HERC1: variants seen among roughly 807,000 people sequenced by gnomAD.
The protein encoded by HERC1 is probable E3 ubiquitin-protein ligase HERC1.
Under a neutral mutation model 554.3 loss-of-function variants are expected in HERC1, and 160 were observed. The observed-to-expected ratio is 0.29, with a 90% CI of 0.25 to 0.33. The LOEUF is 0.33. Among genes scored for constraint, HERC1 ranks in the 10% least tolerant of loss-of-function variants. The probability of loss-of-function intolerance (pLI) is 1.00; values close to 1 mark genes in which losing one functional copy is unlikely to be tolerated. For synonymous variants in HERC1, 2,175 were observed against 2,131.7 expected (o/e 1.02, Z -0.56); for missense variants, 4,919 against 5,918.5 (o/e 0.83, Z 5.54).
intron 1 of HERC1, among the ~76,000 whole-genome samples, chr15:63,793,728 G>A (rs1397302451): frequency 6.6e-6 from 1 of 151,968 alleles, no homozygotes; most frequent in Non-Finnish European, 1.5e-5. Flanking sequence ...ACCCTCTCTT[G>A]GGGTCTGGAT....
intron 1 of HERC1, among the ~76,000 whole-genome samples, chr15:63,821,825 C>G (rs983224821): frequency 2.6e-5 from 4 of 151,632 alleles, no homozygotes; most frequent in Admixed American, 2.6e-4. Context: ...TTACCACATG[C>G]TAGGGACTTT....
At chr15:63,827,284 T>C (rs1352149658) in intron 1 of HERC1, among the ~76,000 whole-genome samples, 2 of 152,142 alleles carry the variant, frequency 1.3e-5, no homozygotes, top group African/African-American at 4.8e-5. Flanking sequence ...TAGCCAGGTA[T>C]AGCGGTGCAC....
At chr15:63,627,521 A>T (rs1307578135) in intron 70 of HERC1, among the ~76,000 whole-genome samples, 1 of 152,146 alleles carries the variant, frequency 6.6e-6, no homozygotes, top group Non-Finnish European at 1.5e-5. Flanking sequence ...TAAAAATATT[A>T]AAATGAGTTG....
chr15:63,652,130 C>T (rs2069720962), intron 52 of HERC1, among the ~76,000 whole-genome samples: 2 of 152,178 alleles, frequency 1.3e-5, no homozygotes, highest in Non-Finnish European at 2.9e-5. Context: ...CTAAACAACT[C>T]TTAAAGACCT....
chr15:63,776,959 G>A (rs982343451), intron 1 of HERC1, among the ~76,000 whole-genome samples: 2 of 152,140 alleles, frequency 1.3e-5, no homozygotes, highest in Non-Finnish European at 2.9e-5. Flanking sequence ...ATTTTGAAAT[G>A]CATCAGAAAT....
chr15:63,748,058 T>C (rs1471124211), intron 10 of HERC1, among the ~76,000 whole-genome samples, 200 bp from the exon 11 acceptor site: 1 of 152,096 alleles, frequency 6.6e-6, no homozygotes, highest in East Asian at 1.9e-4. Context: ...AAAACCCATC[T>C]CTACTAAAAA....
intron 1 of HERC1, among the ~76,000 whole-genome samples, chr15:63,822,343 T>C (rs371152480): frequency 2.0e-5 from 3 of 152,178 alleles, no homozygotes; most frequent in East Asian, 1.9e-4. Context: ...CCCAGCACTT[T>C]GGGAAGCCGA....
rs1337606135 is a variant in HERC1 at position 63,612,911 on chromosome 15, G to A, written c.14095-355C>T. Among the ~76,000 whole-genome samples, 1 of 152,174 alleles carries A rather than the reference G, an allele frequency of 6.6e-6. No individual in the cohort carries two copies. The highest frequency in any genetic ancestry group is 6.5e-5 in the Admixed American group (1 of 15,272). The stretch of plus-strand genomic sequence containing the variant: ...ATGTGCCCATGTGCTGTCAAACTAT[G>A]CATGTGTGGACACTTCATCTCATAA... On this transcript the variant is annotated intron_variant, in intron 76 of 77. Transcript: ENST00000443617. This position sits in a 1 kb window ranked among gnomAD's most constrained non-coding sequence, Gnocchi z 5.0.
At chr15:63,788,597 T>A (rs1368000458) in intron 1 of HERC1, among the ~76,000 whole-genome samples, 2 of 152,148 alleles carry the variant, frequency 1.3e-5, no homozygotes, top group African/African-American at 4.8e-5. Flanking sequence ...GATTTCATAA[T>A]CTATAATTAA....
rs1439576880 is a variant in HERC1, at chr15:63,698,860, C to G, written c.4773G>C (p.Leu1591Phe). 7 of 1,613,962 alleles carry G rather than the reference C, an allele frequency of 4.3e-6. No homozygotes were observed. The highest frequency in any genetic ancestry group is 1.1e-5 in the South Asian group (1 of 91,088). ...TCACAAAGCTTACAACATTTTCAAT[C>G]AAAGTGTGAACTCCCAAAGACTTGG... The part of the protein sequence containing the change: ...DLTKSLGVHT[L>F]IENVVSFVSG... The change falls in exon 26 of 78, where the codon TTG (leucine) becomes TTC (phenylalanine). Residue 1591 changes from leucine (L) to phenylalanine (F), a missense_variant. Leu to Phe is a conservative substitution (Grantham distance 22). Around this residue, in one of 11 missense-constraint regions of HERC1, gnomAD observed 1,121 missense variants for 1,244.0 expected, o/e 0.90. Transcript: ENST00000443617.
At chr15:63,799,983 A>G (rs567505562) in intron 1 of HERC1, among the ~76,000 whole-genome samples, 1 of 152,162 alleles carries the variant, frequency 6.6e-6, no homozygotes, top group Admixed American at 6.5e-5. Context: ...AAATATTTTT[A>G]GTTAGCCAGA....
intron 48 of HERC1, 54 bp from the exon 49 acceptor site, chr15:63,656,412 G>T: frequency 6.7e-7 from 1 of 1,494,656 alleles, no homozygotes; most frequent in Non-Finnish European, 9.1e-7. Context: ...TTTCTTAAGG[G>T]ACCATTTGCA....
At position 63,754,580 on chromosome 15, in the gene HERC1, A is replaced by T; in HGVS notation, c.1699T>A (p.Ser567Thr). 6.2e-7 allele frequency: 1 copy of T among 1,613,560 alleles called. No homozygotes were observed. Residue 567 changes from serine to threonine, a missense_variant, in exon 7 of 78, where the codon TCT becomes ACT. By Grantham distance (58) the Ser-to-Thr change is moderately conservative (BLOSUM62 1). This residue lies in a region of HERC1 where 744 missense variants were observed against 1,090.0 expected (regional missense o/e 0.68). Coordinates refer to ENST00000443617, the MANE Select transcript of HERC1 (RefSeq NM_003922.4). ...GCAATAGTATGTGAACTGCCACAAG[A>T]AACCTCTCCTACATTGCTGATGTCT... ...VKDISNVGEV[S>T]CGSSHTIALS... is the part of the protein sequence containing the mutation.
chr15:63,767,467 AG>A (rs1421734208), intron 2 of HERC1, among the ~76,000 whole-genome samples: 1 of 152,146 alleles, frequency 6.6e-6, no homozygotes, highest in African/African-American at 2.4e-5. Flanking sequence ...TGGGAGGCCA[AG>A]GCGGGTGGAT....
chr15:63,716,354 C>T lies in HERC1; in HGVS notation c.4098G>A (p.Pro1366=), dbSNP rs188001046. The T allele has an allele frequency of 5.0e-6, 8 of 1,613,736 alleles. No individual in the cohort carries two copies. The highest frequency in any genetic ancestry group is 2.7e-5 in the African/African-American group (2 of 74,890). ...QAERDREEGH[P]EPEDEEEERE... is the part of the protein sequence containing the mutation. ...GTTCCTCCTCTTCATCCTCTGGCTC[C>T]GGATGCCCCTCTTCCCGGTCTCTCT... is the stretch of plus-strand genomic sequence containing the variant. The change falls in exon 22 of 78, where the codon CCG becomes CCA. Residue 1366 remains proline, a synonymous_variant. Coordinates refer to ENST00000443617, the MANE Select transcript of HERC1 (RefSeq NM_003922.4).
intron 47 of HERC1, among the ~76,000 whole-genome samples, 180 bp from the exon 48 acceptor site, chr15:63,658,898 G>C (rs946068099): frequency 6.6e-6 from 1 of 152,126 alleles, no homozygotes; most frequent in Admixed American, 6.5e-5. Flanking sequence ...TTTGAACTTG[G>C]ATATTTCTAA....
intron 11 of HERC1, among the ~76,000 whole-genome samples, chr15:63,747,431 G>C (rs1342354806): frequency 6.6e-6 from 1 of 151,936 alleles, no homozygotes; most frequent in East Asian, 1.9e-4. Context: ...CTGCACTCTA[G>C]CCTGGGCGAC....
intron 46 of HERC1, among the ~76,000 whole-genome samples, chr15:63,660,369 T>A (rs2070292428): frequency 1.3e-5 from 2 of 151,202 alleles, no homozygotes; most frequent in Non-Finnish European, 3.0e-5. Flanking sequence ...ATACATAAAA[T>A]GCAGATGGAC....
Position 63,633,925 on chromosome 15 carries a change from A to G in HERC1, c.12616T>C (p.Ser4206Pro), listed in dbSNP as rs2068672123. 1 of 1,613,864 alleles carries G rather than the reference A, an allele frequency of 6.2e-7. No homozygotes were observed. Residue 4206 changes from serine to proline, a missense_variant, in exon 67 of 78, where the codon TCC becomes CCC. Around this residue, in one of 11 missense-constraint regions of HERC1, gnomAD observed 410 missense variants for 467.0 expected, o/e 0.88. Coordinates refer to ENST00000443617, the MANE Select transcript of HERC1 (RefSeq NM_003922.4). The stretch of plus-strand genomic sequence containing the variant: ...CCATCTCCAAAAGCCCACACCATGG[A>G]ACCATCTGCTGACACTGCCAAAGTG... ...NHTLAVSADG[S>P]MVWAFGDGDY...
Sources: allele counts gnomAD v4.1 joint callset (sites outside exome capture counted in the v4.1 genomes callset), GRCh38; gene constraint gnomAD v4.1.1; regional missense constraint gnomAD v4.1.1; non-coding constraint Gnocchi (gnomAD v3.1); transcripts MANE v1.5; gene names NCBI Gene and HGNC (gene_info 2026-07-23, HGNC 2026-07-21).